COL8A1: variants seen among roughly 807,000 people sequenced by gnomAD.
The protein encoded by COL8A1 is collagen type VIII alpha 1 chain, also known as collagen alpha-1(VIII) chain.
COL8A1 carries 21 observed loss-of-function variants against 42.7 expected under a neutral mutation model. The ratio of observed to expected loss-of-function variants is 0.49; its 90% confidence interval spans 0.35 to 0.71. The LOEUF is 0.71. Ranked by LOEUF, COL8A1 falls within the 30% of genes least tolerant of loss-of-function variation. COL8A1 has a pLI of 0.01. For synonymous variants in COL8A1, 367 were observed against 369.1 expected, an observed-to-expected ratio of 0.99 and a Z score of 0.06; for missense variants, 788 against 962.4, an observed-to-expected ratio of 0.82 and a Z score of 2.40.
chr3:99,753,798 T>A (rs780148360), intron 2 of COL8A1, among the ~76,000 whole-genome samples: 4 of 152,216 alleles, frequency 2.6e-5, no homozygotes, highest in Non-Finnish European at 5.9e-5. Flanking sequence ...CTATGCTTTA[T>A]ATATGTTCAA....
intron 2 of COL8A1, 81 bp from the exon 3 acceptor site, chr3:99,790,599 T>TC: frequency 3.6e-6 from 4 of 1,119,986 alleles, no homozygotes; most frequent in Non-Finnish European, 5.1e-6. Context: ...CCCTTTTTTT[T>TC]CCCCATTCTA....
intron 1 of COL8A1, among the ~76,000 whole-genome samples, chr3:99,666,029 T>C (rs1479812947): frequency 1.3e-5 from 2 of 151,980 alleles, no homozygotes; most frequent in African/African-American, 4.8e-5. Context: ...GCCTGAGATG[T>C]TGATCAGAAA....
At chr3:99,673,699 C>A (rs1025330747) in intron 1 of COL8A1, among the ~76,000 whole-genome samples, 1 of 151,928 alleles carries the variant, frequency 6.6e-6, no homozygotes, top group African/African-American at 2.4e-5. Context: ...TTTAGAATAT[C>A]ATTTTATGTG....
At chr3:99,790,276 G>A (rs1175516559) in intron 2 of COL8A1, among the ~76,000 whole-genome samples, 2 of 152,158 alleles carry the variant, frequency 1.3e-5, no homozygotes, top group East Asian at 3.8e-4. Flanking sequence ...CTCCTTTTTA[G>A]GATTCTTCCT....
At chr3:99,677,862 A>G (rs1370335930) in intron 1 of COL8A1, 1 of 152,204 alleles carries the variant, frequency 6.6e-6, no homozygotes, top group Non-Finnish European at 1.5e-5. Context: ...TGAATTACCC[A>G]GAGTGTGCTG....
At chr3:99,647,366 T>C (rs1314825986) in intron 1 of COL8A1, among the ~76,000 whole-genome samples, 5 of 152,256 alleles carry the variant, frequency 3.3e-5, no homozygotes, top group Admixed American at 2.0e-4. Flanking sequence ...TGTAGAGAGA[T>C]TTCTAAAACC....
In COL8A1 at chr3:99,794,691, G is replaced by A; in HGVS notation, c.790G>A (p.Gly264Ser). 1.9e-6 allele frequency: 3 copies of A among 1,613,350 alleles called. No individual in the cohort carries two copies. The highest frequency in any genetic ancestry group is 2.5e-6 in the Non-Finnish European group (3 of 1,179,728). The stretch of plus-strand genomic sequence containing the variant: ...GCCTCCAGGGATGCACGGCCCTCCC[G>A]GCCCTGTTGGACTGCCAGGAGTGGG... ...KGPPGMHGPP[G>S]PVGLPGVGKP... The change falls in exon 4 of 4, where the codon GGC (glycine) becomes AGC (serine). Residue 264 changes from glycine (G) to serine (S), a missense_variant. Physicochemically the swap from Gly to Ser is moderately conservative, Grantham distance 56. Coordinates refer to ENST00000652472, the MANE Select transcript of COL8A1 (RefSeq NM_020351.4). The surrounding 1 kb of genome is among the most constrained non-coding windows in gnomAD (Gnocchi z 4.3).
intron 1 of COL8A1, among the ~76,000 whole-genome samples, chr3:99,665,662 T>C (rs1938343061): frequency 6.6e-6 from 1 of 150,836 alleles, no homozygotes; most frequent in Non-Finnish European, 1.5e-5. Context: ...AAAATACTTG[T>C]TGAATTAATT....
intron 2 of COL8A1, among the ~76,000 whole-genome samples, chr3:99,773,841 T>TATATATATATATATATATATA (rs1381763910): frequency 6.2e-4 from 53 of 85,622 alleles, no homozygotes; most frequent in Middle Eastern, 5.4e-3. Flanking sequence ...ATATATATTT[T>TATATATATATATATATATATA]TTTTTTTTTT....
intron 1 of COL8A1, among the ~76,000 whole-genome samples, chr3:99,670,713 C>T (rs535315197): frequency 3.9e-5 from 6 of 152,080 alleles, no homozygotes; most frequent in African/African-American, 1.2e-4. Context: ...AATCTCAAAA[C>T]CTCTTCCTCC....
At chr3:99,684,277 T>C (rs181138250) in intron 1 of COL8A1, among the ~76,000 whole-genome samples, 12 of 152,210 alleles carry the variant, frequency 7.9e-5, no homozygotes, top group African/African-American at 2.9e-4. Context: ...ATATTCTCTA[T>C]ATCCCTAAAA....
intron 1 of COL8A1, among the ~76,000 whole-genome samples, chr3:99,650,147 C>A (rs1271481301): frequency 2.0e-5 from 3 of 152,144 alleles, no homozygotes; most frequent in African/African-American, 7.2e-5. Context: ...TTTTTCCTTT[C>A]TCTACAGAAA....
rs1255134000 is a variant in COL8A1 at position 99,790,661 on chromosome 3, G to A, written c.-3-19G>A. ...CCTTGCAGAGTTTCACCAAGTTGGT[G>A]CATTGGTTCCTCCCACAGGTGATGG... On this transcript the variant is annotated intron_variant, in intron 2 of 3. Transcript: ENST00000652472. 2 of 1,605,278 alleles carry A rather than the reference G, an allele frequency of 1.2e-6. No homozygotes were observed. Among genetic ancestry groups the A allele is most frequent in the South Asian group, 1.1e-5 (1 of 90,590 alleles).
rs143385956 is a variant in COL8A1, at chr3:99,695,583, A to ACT, written c.-128-49298_-128-49297dup. On this transcript the variant is annotated intron_variant, in intron 1 of 3. Transcript: ENST00000652472. ...TTCTCCTTCCCTCCCTCTTTCTCTT[A>ACT]CTCTCTCTCTCTCTCTCCGTCTTTC... Among the ~76,000 whole-genome samples, 675 of 142,242 alleles carry ACT rather than the reference A, an allele frequency of 4.7e-3. 4 individuals are homozygous for ACT. Among genetic ancestry groups the ACT allele is most frequent in the African/African-American group, 0.016 (621 of 38,560 alleles). The allele number at this position is 142,242 out of a possible 152,430, so 93.3% of individuals were successfully genotyped here. A position where few individuals can be genotyped will look rare whatever the true frequency, so the allele number is the denominator to read the frequency against.
At chr3:99,680,898 C>T (rs1214342342) in intron 1 of COL8A1, among the ~76,000 whole-genome samples, 1 of 152,002 alleles carries the variant, frequency 6.6e-6, no homozygotes, top group East Asian at 1.9e-4. Flanking sequence ...AAAGGATTTC[C>T]TATTTAATAA....
chr3:99,681,554 A>G lies in COL8A1; in HGVS notation c.-129+42890A>G, dbSNP rs545214213. ...TGTATTTAGTCTAGAAACAAAAACTATGAAGTGTGGCTTAATAAAAGTCAT... is the reference window on the plus strand; with the variant it reads ...TGTATTTAGTCTAGAAACAAAAACTGTGAAGTGTGGCTTAATAAAAGTCAT... On this transcript the variant is annotated intron_variant, in intron 1 of 3. Transcript: ENST00000652472. 4.6e-5 allele frequency among the ~76,000 whole-genome samples: 7 copies of G among 152,340 alleles called. No homozygotes were observed. The South Asian group carries it at 1.2e-3, about 27-fold the overall frequency.
chr3:99,789,223 A>G (rs1021611831), intron 2 of COL8A1, among the ~76,000 whole-genome samples: 2 of 152,188 alleles, frequency 1.3e-5, no homozygotes, highest in Non-Finnish European at 2.9e-5. Context: ...ATCAACGCAC[A>G]TTTTCTAAGA....
chr3:99,717,580 C>T (rs668668), intron 1 of COL8A1, among the ~76,000 whole-genome samples: 107,405 of 151,888 alleles, frequency 0.71, 38,680 homozygotes, highest in African/African-American at 0.86. Flanking sequence ...ATAAAATGGT[C>T]GAAACTTATT....
intron 1 of COL8A1, among the ~76,000 whole-genome samples, chr3:99,696,700 C>G (rs16841635): frequency 6.6e-6 from 1 of 152,262 alleles, no homozygotes; most frequent in South Asian, 2.1e-4. Flanking sequence ...CCCGGGGTTA[C>G]GCAATTAATG....
Sources: gnomAD v4.1 joint callset for allele counts (sites outside exome capture counted in the v4.1 genomes callset) on GRCh38, gnomAD v4.1.1 for gene constraint, Gnocchi (gnomAD v3.1) non-coding constraint, MANE v1.5 for transcripts, NCBI Gene and HGNC (gene_info 2026-07-23, HGNC 2026-07-21) for gene names.